Variants in AXDND1 observed in about 807,000 individuals in gnomAD.
AXDND1 encodes the protein axonemal dynein light chain domain-containing protein 1.
A neutral mutation model predicts 137.5 loss-of-function variants in AXDND1; 110 were observed. That is an observed-to-expected ratio of 0.80 (90% CI 0.69 to 0.94). The LOEUF (loss-of-function observed/expected upper bound fraction) is 0.94, where lower values mean the gene tolerates loss of function less well. Ranked by LOEUF, AXDND1 falls within the 40% of genes least tolerant of loss-of-function variation. AXDND1 has a pLI of 0.00. For missense variants in AXDND1, 1,191 were observed against 1,169.8 expected (o/e 1.02, Z -0.26); for synonymous variants, 414 against 399.7 (o/e 1.04, Z -0.43).
At chr1:179,458,411 C>T (rs1661731042) in intron 16 of AXDND1, among the ~76,000 whole-genome samples, 1 of 151,974 alleles carries the variant, frequency 6.6e-6, no homozygotes, top group Non-Finnish European at 1.5e-5. Flanking sequence ...TGTTTATGAA[C>T]CCAGAAAACC....
intron 25 of AXDND1, among the ~76,000 whole-genome samples, chr1:179,542,071 A>G (rs939195528): frequency 1.3e-5 from 2 of 152,182 alleles, no homozygotes; most frequent in Non-Finnish European, 2.9e-5. Context: ...AGGAAGTTTT[A>G]TCTTTATTTT....
At chr1:179,502,958 G>A (rs1668162610) in intron 20 of AXDND1, among the ~76,000 whole-genome samples, 1 of 151,986 alleles carries the variant, frequency 6.6e-6, no homozygotes, top group South Asian at 2.1e-4. Flanking sequence ...AGCCAGGCGT[G>A]GTGGCGCATG....
chr1:179,524,535 C>A (rs1670364889), intron 21 of AXDND1, among the ~76,000 whole-genome samples: 1 of 152,138 alleles, frequency 6.6e-6, no homozygotes, highest in African/African-American at 2.4e-5. Flanking sequence ...CTCTCCAAAC[C>A]TATTTATCCA....
chr1:179,551,715 C>T lies in AXDND1; in HGVS notation c.3032-2797C>T, dbSNP rs1673309309. On this transcript the variant is annotated intron_variant, in intron 25 of 25. Coordinates refer to ENST00000367618, the MANE Select transcript of AXDND1 (RefSeq NM_144696.6). ...GGGGAGTTATTAGCATCTGGTGGGCCTTGAAAGATTAGGATTTTGCCAACA... is the reference window on the plus strand; with the variant it reads ...GGGGAGTTATTAGCATCTGGTGGGCTTTGAAAGATTAGGATTTTGCCAACA... 3 of 466,014 alleles carry T rather than the reference C, an allele frequency of 6.4e-6. No homozygotes were observed. In the South Asian group the frequency reaches 8.3e-5, roughly 13 times the overall value. The allele number at this position is 466,014 out of a possible 1,614,324, so 28.9% of individuals were successfully genotyped here. A position where few individuals can be genotyped will look rare whatever the true frequency, so the allele number is the denominator to read the frequency against.
At chr1:179,495,040 C>A (rs1667303981) in intron 20 of AXDND1, among the ~76,000 whole-genome samples, 1 of 152,154 alleles carries the variant, frequency 6.6e-6, no homozygotes. Flanking sequence ...TTATTCTGGA[C>A]ATTCTGTTGT....
intron 12 of AXDND1, among the ~76,000 whole-genome samples, chr1:179,421,386 T>C (rs148699153): frequency 1.9e-5 from 1 of 51,962 alleles, no homozygotes; most frequent in Non-Finnish European, 4.6e-5. Flanking sequence ...TTTTTTTTTT[T>C]TTTTTTTTTT....
In AXDND1 at chr1:179,440,827, G is replaced by A. The variant is rs115463657; in HGVS notation, c.1564-4143G>A. Reference sequence around the variant, plus strand: ...CTTTTAATTGTAGCAGTTTCTATGCGACCGGCTACATTTACAGCATAAGCT... The same window carrying A: ...CTTTTAATTGTAGCAGTTTCTATGCAACCGGCTACATTTACAGCATAAGCT... On this transcript the variant is annotated intron_variant, in intron 15 of 25. Transcript: ENST00000367618. 8.6e-3 allele frequency among the ~76,000 whole-genome samples: 1,310 copies of A among 152,242 alleles called. 21 individuals carry two copies. Among genetic ancestry groups the A allele is most frequent in the African/African-American group, 0.027 (1,133 of 41,534 alleles).
chr1:179,412,254 C>T (rs1654011325), intron 12 of AXDND1, among the ~76,000 whole-genome samples: 1 of 152,156 alleles, frequency 6.6e-6, no homozygotes, highest in South Asian at 2.1e-4. Flanking sequence ...AGCAAAGTCA[C>T]ACAATATTCT....
Position 179,442,690 on chromosome 1 carries a change from T to C in AXDND1, c.1564-2280T>C, listed in dbSNP as rs576897783. On this transcript the variant is annotated intron_variant, in intron 15 of 25. Coordinates refer to ENST00000367618, the MANE Select transcript of AXDND1 (RefSeq NM_144696.6). ...TGCTCTCGGTACCTCTTTAGGGCAC[T>C]GACCTTACATCCGCTGCCGGCAGAC... 3.9e-5 allele frequency among the ~76,000 whole-genome samples: 6 copies of C among 152,360 alleles called. No individual in the cohort carries two copies. In the South Asian group the frequency reaches 1.0e-3, roughly 26 times the overall value.
intron 4 of AXDND1, among the ~76,000 whole-genome samples, chr1:179,370,997 A>G (rs1558081193): frequency 6.6e-6 from 1 of 152,192 alleles, no homozygotes; most frequent in Non-Finnish European, 1.5e-5. Flanking sequence ...ATTTTTATGT[A>G]CTGAGGCTTT....
In AXDND1 at chr1:179,554,598, G is replaced by T; in HGVS notation, c.*79G>T. ...TGGGAGGAGAGCATGCCTAAACCCT[G>T]GTGGCCATTGTTCTGTACTAAGGAA... On this transcript the variant is annotated 3_prime_UTR_variant, in exon 26 of 26. Coordinates refer to ENST00000367618, the MANE Select transcript of AXDND1 (RefSeq NM_144696.6). The T allele has an allele frequency of 1.2e-6, 2 of 1,604,992 alleles. No homozygotes were observed. The highest frequency in any genetic ancestry group is 1.7e-6 in the Non-Finnish European group (2 of 1,171,810).
At chr1:179,511,406 GTGTGTGTGTGTGTGTGTA>G (rs1284972370) in intron 21 of AXDND1, among the ~76,000 whole-genome samples, 3 of 150,358 alleles carry the variant, frequency 2.0e-5, no homozygotes, top group Non-Finnish European at 4.4e-5. Flanking sequence ...GTGTGTGTGT[GTGTGTGTGTGTGTGTGTA>G]TATGTATATA....
At chr1:179,471,281 A>G (rs772172014) in intron 17 of AXDND1, among the ~76,000 whole-genome samples, 7 of 152,148 alleles carry the variant, frequency 4.6e-5, no homozygotes, top group Non-Finnish European at 8.8e-5. Context: ...ATCTTTTGGA[A>G]GATATTGTGA....
intron 16 of AXDND1, among the ~76,000 whole-genome samples, chr1:179,460,797 A>C (rs987737297): frequency 6.6e-6 from 1 of 152,156 alleles, no homozygotes; most frequent in Non-Finnish European, 1.5e-5. Flanking sequence ...TTCTCTGATG[A>C]CCACTGATGA....
chr1:179,449,796 T>C (rs1660273242), intron 16 of AXDND1: 1 of 152,130 alleles, frequency 6.6e-6, no homozygotes, highest in Non-Finnish European at 1.5e-5. Context: ...CTCAGTTCTA[T>C]TTTCAGATTT....
chr1:179,502,998 G>C (rs1470830530), intron 20 of AXDND1, among the ~76,000 whole-genome samples: 1 of 151,972 alleles, frequency 6.6e-6, no homozygotes, highest in Non-Finnish European at 1.5e-5. Context: ...AGGAGGCTGA[G>C]GCAGGAGAAT....
chr1:179,371,849 GC>G (rs1322371738), intron 4 of AXDND1, among the ~76,000 whole-genome samples: 3 of 152,182 alleles, frequency 2.0e-5, no homozygotes, highest in African/African-American at 7.2e-5. Flanking sequence ...TCTAATGACA[GC>G]TCAGTCGCCA....
chr1:179,506,996 T>C (rs1253709677), intron 20 of AXDND1: 3 of 720,718 alleles, frequency 4.2e-6, no homozygotes, highest in Non-Finnish European at 5.1e-6. Context: ...ATAGCTCCAT[T>C]TATAGCCAGT....
intron 12 of AXDND1, among the ~76,000 whole-genome samples, chr1:179,424,929 T>C (rs570260959): frequency 6.6e-6 from 1 of 152,358 alleles, no homozygotes; most frequent in East Asian, 1.9e-4. Flanking sequence ...ATTTCTCTGA[T>C]AAATTTCTGA....
Sources: allele counts gnomAD v4.1 joint callset (sites outside exome capture counted in the v4.1 genomes callset), GRCh38; gene constraint gnomAD v4.1.1; transcripts MANE v1.5; gene names NCBI Gene and HGNC (gene_info 2026-07-23, HGNC 2026-07-21).